Variants in APPL1 observed in about 807,000 individuals in gnomAD.
APPL1 encodes adaptor protein, phosphotyrosine interacting with PH domain and leucine zipper 1, also known as DCC-interacting protein 13-alpha.
APPL1 carries 42 observed loss-of-function variants against 106.8 expected under a neutral mutation model. The ratio of observed to expected loss-of-function variants is 0.39; its 90% CI spans 0.31 to 0.51. The LOEUF is 0.51. APPL1 is among the 20% of genes least tolerant of loss of function. APPL1 has a pLI of 0.75. For missense variants in APPL1, 769 were observed against 858.2 expected (o/e 0.90, Z 1.30); for synonymous variants, 263 against 281.8 (o/e 0.93, Z 0.67).
Position 57,231,321 on chromosome 3 carries a change from C to T in APPL1, c.54+3384C>T, listed in dbSNP as rs1428768775. Among the ~76,000 whole-genome samples the T allele has an allele frequency of 2.9e-4, 36 of 126,144 alleles. No homozygotes were observed. In the Admixed American group the frequency reaches 3.2e-3, roughly 11 times the overall value. The allele number at this position is 126,144 out of a possible 152,430, so 82.8% of individuals were successfully genotyped here. On this transcript the variant is annotated intron_variant, in intron 1 of 21. Coordinates refer to ENST00000288266, the MANE Select transcript of APPL1 (RefSeq NM_012096.3). ...ACCGTTGCACTCCAGCCCGGGCAAC[C>T]GTGCGAGACTCCGTCTCAAAAAAAA...
At chr3:57,259,239 A>G (rs1241654171) in intron 16 of APPL1, among the ~76,000 whole-genome samples, 159 bp downstream of exon 16, 2 of 152,210 alleles carry the variant, frequency 1.3e-5, no homozygotes, top group African/African-American at 4.8e-5. Context: ...AAGCAACAGA[A>G]CTTAATCTGA....
chr3:57,246,518 C>T lies in APPL1; in HGVS notation c.621+296C>T, dbSNP rs143268731. On this transcript the variant is annotated intron_variant, in intron 8 of 21. Transcript: ENST00000288266. ...AGAGTTACACCTATTGCTAGAGCTTCAACTAAACACTTGCTTCATAATAGA... is the reference window on the plus strand; with the variant it reads ...AGAGTTACACCTATTGCTAGAGCTTTAACTAAACACTTGCTTCATAATAGA... Among the ~76,000 whole-genome samples the T allele has an allele frequency of 4.1e-3, 624 of 152,216 alleles. 1 individual carries two copies. The highest frequency in any genetic ancestry group is 0.013 in the African/African-American group (546 of 41,538).
chr3:57,241,698 T>A (rs1307185163), intron 5 of APPL1, among the ~76,000 whole-genome samples: 1 of 152,194 alleles, frequency 6.6e-6, no homozygotes, highest in African/African-American at 2.4e-5. Flanking sequence ...TAGAACAAGA[T>A]CTCTTTTCTT....
intron 21 of APPL1, 35 bp downstream of exon 21, chr3:57,268,522 G>T (rs1159479338): frequency 1.3e-6 from 2 of 1,545,662 alleles, no homozygotes; most frequent in Middle Eastern, 1.8e-4. Context: ...TTTATGTGTT[G>T]TTTGTGAAGA....
chr3:57,267,949 G>C (rs1217848776), intron 20 of APPL1, 157 bp downstream of exon 20: 1 of 741,888 alleles, frequency 1.3e-6, no homozygotes, highest in African/African-American at 1.7e-5. Flanking sequence ...AAAATTAGTT[G>C]GGTGTGGTGT....
chr3:57,259,395 CACTA>C (rs1320273782), intron 16 of APPL1, among the ~76,000 whole-genome samples: 1 of 152,080 alleles, frequency 6.6e-6, no homozygotes, highest in Admixed American at 6.6e-5. Context: ...GTTTTTCCGC[CACTA>C]ACTATTTATT....
chr3:57,246,793 AG>A (rs2060776208), intron 8 of APPL1, among the ~76,000 whole-genome samples: 1 of 152,096 alleles, frequency 6.6e-6, no homozygotes, highest in African/African-American at 2.4e-5. Flanking sequence ...ATTTGAGTCC[AG>A]GAGTTTGAGA....
intron 11 of APPL1, 120 bp from the exon 12 acceptor site, chr3:57,252,149 T>C (rs2060808526): frequency 1.2e-6 from 1 of 810,100 alleles, no homozygotes; most frequent in African/African-American, 1.8e-5. Context: ...TGTTTTGTTT[T>C]TGTTCTTTTA....
intron 1 of APPL1, among the ~76,000 whole-genome samples, chr3:57,231,288 G>A (rs1219346072): frequency 4.0e-5 from 5 of 124,408 alleles, no homozygotes; most frequent in Non-Finnish European, 7.9e-5. Context: ...GCAGTGAGCC[G>A]AAATTGTACC....
intron 5 of APPL1, 119 bp downstream of exon 5, chr3:57,240,671 C>G (rs2060741131): frequency 1.2e-6 from 1 of 836,348 alleles, no homozygotes; most frequent in African/African-American, 1.7e-5. Flanking sequence ...TTACTTTGCT[C>G]AGTTACCAAA....
At chr3:57,254,657 C>T (rs976629078) in intron 13 of APPL1, among the ~76,000 whole-genome samples, 37 of 152,140 alleles carry the variant, frequency 2.4e-4, no homozygotes, top group African/African-American at 6.3e-4. Context: ...CAGAGTCTTG[C>T]GGTGTTGCCC....
chr3:57,247,302 C>G lies in APPL1; in HGVS notation c.622-93C>G, dbSNP rs1006280822. On this transcript the variant is annotated intron_variant, in intron 8 of 21. Coordinates refer to ENST00000288266, the MANE Select transcript of APPL1 (RefSeq NM_012096.3). The stretch of plus-strand genomic sequence containing the variant: ...GAATATTCCTTTGTTTTTTACTTAA[C>G]CATGTGTCTTAGAGATTGTTTATAT... The G allele has an allele frequency of 3.1e-5, 21 of 678,762 alleles. No individual in the cohort carries two copies. The African/African-American group carries it at 3.9e-4, about 13-fold the overall frequency. 42.0% of individuals were successfully genotyped at this position (678,762 alleles called of 1,614,324 possible). A position where few individuals can be genotyped will look rare whatever the true frequency, so the allele number is the denominator to read the frequency against.
intron 13 of APPL1, among the ~76,000 whole-genome samples, chr3:57,254,916 C>T (rs181871193): frequency 6.6e-6 from 1 of 152,264 alleles, no homozygotes; most frequent in East Asian, 1.9e-4. Flanking sequence ...TGAGCCACCA[C>T]GCCCAGCCAA....
intron 4 of APPL1, among the ~76,000 whole-genome samples, chr3:57,239,836 C>T (rs537552832): frequency 2.6e-5 from 4 of 152,224 alleles, no homozygotes; most frequent in African/African-American, 9.6e-5. Context: ...TCCACATCCT[C>T]GCCAACAATT....
intron 11 of APPL1, among the ~76,000 whole-genome samples, chr3:57,251,145 G>A (rs1035938760): frequency 1.3e-5 from 2 of 151,466 alleles, no homozygotes; most frequent in Non-Finnish European, 2.9e-5. Flanking sequence ...CAGCCTGTGG[G>A]TTCCCTGACA....
intron 19 of APPL1, among the ~76,000 whole-genome samples, chr3:57,264,842 C>T (rs1465030312): frequency 6.7e-6 from 1 of 148,406 alleles, no homozygotes; most frequent in South Asian, 2.1e-4. Flanking sequence ...GTTTTGGTTA[C>T]TATAGCTCTG....
chr3:57,227,812 G>GCGGC lies in APPL1; in HGVS notation c.-71_-68dup. ...CGGAGAGGGCGGGCCGGGGTCAGCT[G>GCGGC]CGGCGGGCGGGCCGGCGCGGGGAGC... is the stretch of plus-strand genomic sequence containing the variant. On this transcript the variant is annotated 5_prime_UTR_variant, in exon 1 of 22. Coordinates refer to ENST00000288266, the MANE Select transcript of APPL1 (RefSeq NM_012096.3). 2 of 1,329,384 alleles carry GCGGC rather than the reference G, an allele frequency of 1.5e-6. No individual in the cohort carries two copies. Among genetic ancestry groups the GCGGC allele is most frequent in the South Asian group, 3.0e-5 (2 of 66,446 alleles). 82.3% of individuals were successfully genotyped at this position (1,329,384 alleles called of 1,614,324 possible).
At chr3:57,264,573 TAAAAAAAATA>T (rs1381852488) in intron 19 of APPL1, among the ~76,000 whole-genome samples, 5 of 145,610 alleles carry the variant, frequency 3.4e-5, no homozygotes, top group African/African-American at 1.3e-4. Flanking sequence ...TAAAAAAAAA[TAAAAAAAATA>T]AAAAAAAATT....
Position 57,242,150 on chromosome 3 carries a change from C to G in APPL1, c.415+8C>G, listed in dbSNP as rs779232464. 2 of 1,582,390 alleles carry G rather than the reference C, an allele frequency of 1.3e-6. No individual in the cohort carries two copies. Among genetic ancestry groups the G allele is most frequent in the Non-Finnish European group, 1.7e-6 (2 of 1,158,374 alleles). ...TTCAGATTGCAAGTAATGGTAAGCC[C>G]TATAATTTGCACACTTATTTCTTGC... On this transcript the variant is annotated splice_region_variant and intron_variant, in intron 6 of 21. Transcript: ENST00000288266.
Sources: gnomAD v4.1 joint callset for allele counts (sites outside exome capture counted in the v4.1 genomes callset) on GRCh38, gnomAD v4.1.1 for gene constraint, MANE v1.5 for transcripts, NCBI Gene and HGNC (gene_info 2026-07-23, HGNC 2026-07-21) for gene names.